PCDH17: variants seen among roughly 807,000 people sequenced by gnomAD.
PCDH17 encodes protocadherin 17.
PCDH17 carries 21 observed loss-of-function variants against 67.7 expected under a neutral mutation model. The observed-to-expected ratio is 0.31, with a 90% CI of 0.22 to 0.45. The LOEUF (loss-of-function observed/expected upper bound fraction) is 0.45, where lower values mean the gene tolerates loss of function less well. Ranked by LOEUF, PCDH17 falls within the 20% of genes least tolerant of loss-of-function variation. PCDH17 has a pLI of 1.00. For missense variants in PCDH17, 1,471 were observed against 1,564.8 expected (o/e 0.94, Z 1.01); for synonymous variants, 701 against 656.7 (o/e 1.07, Z -1.03).
At chr13:57,681,594 G>A (rs897974536) in intron 3 of PCDH17, among the ~76,000 whole-genome samples, 4 of 151,654 alleles carry the variant, frequency 2.6e-5, no homozygotes, top group African/African-American at 4.8e-5. Context: ...ACTGAAAATG[G>A]ATAGAAGACA....
rs538422990 is a variant in PCDH17 at position 57,728,200 on chromosome 13, T to A, written c.*2906T>A. The A allele has an allele frequency of 6.6e-6, 1 of 152,586 alleles. No homozygotes were observed. The highest frequency in any genetic ancestry group is 1.5e-5 in the Non-Finnish European group (1 of 67,992). 9.5% of individuals were successfully genotyped at this position (152,586 alleles called of 1,614,324 possible). A position where few individuals can be genotyped will look rare whatever the true frequency, so the allele number is the denominator to read the frequency against. On this transcript the variant is annotated 3_prime_UTR_variant, in exon 4 of 4. Coordinates refer to ENST00000377918, the MANE Select transcript of PCDH17 (RefSeq NM_001040429.3). ...CTGGCAACTGCCTTTATTGCAGACC[T>A]CTGGTGCTTGGCTTTCAAGGAAGCC...
intron 1 of PCDH17, among the ~76,000 whole-genome samples, chr13:57,640,611 CG>C (rs925703152): frequency 5.3e-5 from 8 of 151,794 alleles, no homozygotes; most frequent in Non-Finnish European, 7.4e-5. Flanking sequence ...GACCCTAGAG[CG>C]GGGGGACTTA....
At chr13:57,714,574 T>C (rs1387217425) in intron 3 of PCDH17, among the ~76,000 whole-genome samples, 1 of 151,726 alleles carries the variant, frequency 6.6e-6, no homozygotes, top group East Asian at 1.9e-4. Flanking sequence ...TTAAACAGTC[T>C]TGGGTCTGAA....
At chr13:57,714,538 T>A (rs1375549824) in intron 3 of PCDH17, among the ~76,000 whole-genome samples, 2 of 151,690 alleles carry the variant, frequency 1.3e-5, no homozygotes, top group African/African-American at 4.8e-5. Flanking sequence ...AAACATCCTC[T>A]CCAAAGATGA....
chr13:57,699,748 A>C (rs1593937146), intron 3 of PCDH17, among the ~76,000 whole-genome samples: 1 of 152,008 alleles, frequency 6.6e-6, no homozygotes, highest in Admixed American at 6.6e-5. Context: ...AAGATCTTCT[A>C]CCGCATTTTT....
chr13:57,696,118 G>A (rs747892330), intron 3 of PCDH17, among the ~76,000 whole-genome samples: 3 of 151,260 alleles, frequency 2.0e-5, no homozygotes, highest in East Asian at 1.9e-4. Context: ...ATAACGTAAC[G>A]GTTGTTCTTA....
intron 1 of PCDH17, among the ~76,000 whole-genome samples, chr13:57,642,820 GA>G (rs973627501): frequency 1.3e-5 from 2 of 151,518 alleles, no homozygotes; most frequent in African/African-American, 4.8e-5. Flanking sequence ...ATTGTAGGCA[GA>G]AATGGTTATG....
intron 3 of PCDH17, among the ~76,000 whole-genome samples, chr13:57,704,933 T>C (rs1309895383): frequency 6.6e-6 from 1 of 152,068 alleles, no homozygotes; most frequent in Non-Finnish European, 1.5e-5. Flanking sequence ...TATATGTGTA[T>C]GTATATATGT....
At position 57,632,580 on chromosome 13, in the gene PCDH17, TG is replaced by T; in HGVS notation, c.37del (p.Ala13ProfsTer22). On this transcript the variant is annotated frameshift_variant, in exon 1 of 4. Coordinates refer to ENST00000377918, the MANE Select transcript of PCDH17 (RefSeq NM_001040429.3). LOFTEE classifies it high-confidence loss of function. Reference sequence around the variant, plus strand: ...TTCCATCTGTTGCTGCTTTCTTCTATGGGCCCCTGCCCTCACTCTCAAGAAC... The same window carrying T: ...TTCCATCTGTTGCTGCTTTCTTCTATGGCCCCTGCCCTCACTCTCAAGAAC... ...YLSICCCFLL[W>X]APALTLKNLN... 1 of 1,613,884 alleles carries T rather than the reference TG, an allele frequency of 6.2e-7. No homozygotes were observed. The highest frequency in any genetic ancestry group is 8.5e-7 in the Non-Finnish European group (1 of 1,179,918).
chr13:57,707,462 G>A (rs1282953622), intron 3 of PCDH17, among the ~76,000 whole-genome samples: 3 of 151,254 alleles, frequency 2.0e-5, no homozygotes, highest in East Asian at 3.9e-4. Flanking sequence ...TCCTTCAATA[G>A]TATATTCAAA....
Position 57,695,332 on chromosome 13 carries a change from T to A in PCDH17, c.2797+28499T>A, listed in dbSNP as rs151253280. Among the ~76,000 whole-genome samples the A allele has an allele frequency of 8.9e-3, 1,352 of 151,304 alleles. 16 individuals are homozygous for A. The highest frequency in any genetic ancestry group is 0.013 in the Non-Finnish European group (877 of 67,378). ...ATTTTTGACTTTCATTTAGCAATTTTAGCATAAACCCTTGGTTTTGAGATG... is the reference window on the plus strand; with the variant it reads ...ATTTTTGACTTTCATTTAGCAATTTAAGCATAAACCCTTGGTTTTGAGATG... On this transcript the variant is annotated intron_variant, in intron 3 of 3. Coordinates refer to ENST00000377918, the MANE Select transcript of PCDH17 (RefSeq NM_001040429.3).
At chr13:57,674,044 C>T (rs1437373831) in intron 3 of PCDH17, among the ~76,000 whole-genome samples, 2 of 151,960 alleles carry the variant, frequency 1.3e-5, no homozygotes, top group Non-Finnish European at 2.9e-5. Flanking sequence ...AATCCAGCAG[C>T]TGGTATCATG....
chr13:57,656,620 T>A (rs1488241954), intron 1 of PCDH17, among the ~76,000 whole-genome samples: 1 of 152,092 alleles, frequency 6.6e-6, no homozygotes, highest in Non-Finnish European at 1.5e-5. Flanking sequence ...GTGGGAAAAG[T>A]CTTCAGTATT....
At chr13:57,671,951 A>G (rs1265633225) in intron 3 of PCDH17, among the ~76,000 whole-genome samples, 1 of 151,420 alleles carries the variant, frequency 6.6e-6, no homozygotes, top group African/African-American at 2.4e-5. Flanking sequence ...ATTCTTTCTC[A>G]TTTTTTCATT....
intron 3 of PCDH17, among the ~76,000 whole-genome samples, chr13:57,703,853 CA>C (rs546120252): frequency 9.2e-5 from 14 of 151,942 alleles, no homozygotes; most frequent in Non-Finnish European, 1.6e-4. Flanking sequence ...CTTTGAATTC[CA>C]AAAGTCAAAA....
chr13:57,710,473 A>G (rs989619310), intron 3 of PCDH17, among the ~76,000 whole-genome samples: 1 of 151,872 alleles, frequency 6.6e-6, no homozygotes, highest in Non-Finnish European at 1.5e-5. Flanking sequence ...TTCAATCTCT[A>G]AGTATGCTTT....
In PCDH17 at chr13:57,634,852, T is replaced by C; in HGVS notation, c.2306T>C (p.Leu769Pro). The C allele has an allele frequency of 1.2e-6, 2 of 1,614,084 alleles. No individual in the cohort carries two copies. Among genetic ancestry groups the C allele is most frequent in the Non-Finnish European group, 1.7e-6 (2 of 1,180,016 alleles). Residue 769 changes from leucine (L) to proline (P), a missense_variant, in exon 1 of 4, where the codon CTG (leucine) becomes CCG (proline). This residue lies in a region of PCDH17 where 1,163 missense variants were observed against 1,230.0 expected (regional missense o/e 0.95). Transcript: ENST00000377918. This position sits in a 1 kb window ranked among gnomAD's most constrained non-coding sequence, Gnocchi z 7.8. ...KKKINKNDIMLVQSEVEERNA... is the reference protein window; with the variant it reads ...KKKINKNDIMPVQSEVEERNA... ...AAGATCAACAAAAATGATATCATGCTGGTGCAGAGCGAAGTGGAGGAGAGG... is the reference window on the plus strand; with the variant it reads ...AAGATCAACAAAAATGATATCATGCCGGTGCAGAGCGAAGTGGAGGAGAGG...
At chr13:57,645,390 T>G (rs901634514) in intron 1 of PCDH17, among the ~76,000 whole-genome samples, 4 of 151,664 alleles carry the variant, frequency 2.6e-5, no homozygotes, top group African/African-American at 9.7e-5. Flanking sequence ...TAAGTCATTT[T>G]CGACAATCAC....
intron 1 of PCDH17, among the ~76,000 whole-genome samples, chr13:57,647,794 G>A (rs897385667): frequency 7.9e-5 from 12 of 151,690 alleles, no homozygotes; most frequent in East Asian, 5.8e-4. Flanking sequence ...GTGGTTCTTC[G>A]GGCAAGAGTG....
Sources: gnomAD v4.1 joint callset for allele counts (sites outside exome capture counted in the v4.1 genomes callset) on GRCh38, gnomAD v4.1.1 for gene constraint, gnomAD v4.1.1 regional missense constraint, Gnocchi (gnomAD v3.1) non-coding constraint, MANE v1.5 for transcripts, NCBI Gene and HGNC (gene_info 2026-07-23, HGNC 2026-07-21) for gene names.